RGS9: variants seen among roughly 807,000 people sequenced by gnomAD.
RGS9 encodes regulator of G-protein signalling 9.
In RGS9, 78 loss-of-function variants were observed where a neutral mutation model predicts 102.0. That is an observed-to-expected ratio of 0.76 (90% CI 0.64 to 0.92). The LOEUF (loss-of-function observed/expected upper bound fraction) is 0.92, where lower values mean the gene tolerates loss of function less well. Among genes scored for constraint, RGS9 ranks in the 40% least tolerant of loss-of-function variants. The pLI, the probability that RGS9 is intolerant of heterozygous loss-of-function variation, is 0.00. For synonymous variants in RGS9, 353 were observed against 318.6 expected (o/e 1.11, Z -1.15); for missense variants, 833 against 866.1 (o/e 0.96, Z 0.48).
intron 1 of RGS9, among the ~76,000 whole-genome samples, chr17:65,148,882 A>G (rs1366617709): frequency 1.3e-5 from 2 of 152,138 alleles, no homozygotes; most frequent in African/African-American, 4.8e-5. Flanking sequence ...TTGTGCACAG[A>G]ATGATATGAA....
Position 65,144,234 on chromosome 17 carries a change from A to T in RGS9, c.57+6637A>T, listed in dbSNP as rs184642914. On this transcript the variant is annotated intron_variant, in intron 1 of 18. Coordinates refer to ENST00000262406, the MANE Select transcript of RGS9 (RefSeq NM_003835.4). ...TGGGTCACTTTTCCCATCTTTGTAT[A>T]GAAAAGTACCGATTATTATTGTTCC... 5.9e-5 allele frequency among the ~76,000 whole-genome samples: 9 copies of T among 152,304 alleles called. No individual in the cohort carries two copies. In the East Asian group the frequency reaches 1.5e-3, roughly 26 times the overall value.
intron 7 of RGS9, among the ~76,000 whole-genome samples, chr17:65,163,800 T>A (rs1911075531): frequency 1.3e-5 from 2 of 152,168 alleles, no homozygotes; most frequent in Admixed American, 6.5e-5. Context: ...GTGTGCCCAC[T>A]GCAAGCAGTT....
rs1729287706 is a variant in RGS9 at position 65,227,596 on chromosome 17, C to T, written c.*189C>T. ...GCTGGTTACCAGGGGCCAACTCCTT[C>T]TCCTCTTCCTGACCCTCCCTCCCCT... On this transcript the variant is annotated 3_prime_UTR_variant, in exon 19 of 19. Coordinates refer to ENST00000262406, the MANE Select transcript of RGS9 (RefSeq NM_003835.4). The T allele has an allele frequency of 1.4e-6, 1 of 733,546 alleles. No homozygotes were observed. Among genetic ancestry groups the T allele is most frequent in the Non-Finnish European group, 2.3e-6 (1 of 440,618 alleles). 45.4% of individuals were successfully genotyped at this position (733,546 alleles called of 1,614,324 possible). A position where few individuals can be genotyped will look rare whatever the true frequency, so the allele number is the denominator to read the frequency against.
intron 1 of RGS9, among the ~76,000 whole-genome samples, chr17:65,151,748 A>G (rs1910589941): frequency 6.6e-6 from 1 of 152,196 alleles, no homozygotes; most frequent in Non-Finnish European, 1.5e-5. Flanking sequence ...CCTTGGCATT[A>G]TTCTGTGTCA....
At chr17:65,184,912 C>CA (rs1912051241) in intron 9 of RGS9, among the ~76,000 whole-genome samples, 1 of 151,388 alleles carries the variant, frequency 6.6e-6, no homozygotes, top group South Asian at 2.1e-4. Context: ...TTCTGTCACC[C>CA]AGGCTCCAGT....
chr17:65,168,054 G>A, intron 7 of RGS9, 146 bp from the exon 8 acceptor site: 4 of 665,056 alleles, frequency 6.0e-6, no homozygotes, highest in Non-Finnish European at 1.1e-5. Flanking sequence ...TGAGATGTCA[G>A]TGCTTGCTGT....
chr17:65,150,673 C>T (rs1910543856), intron 1 of RGS9, among the ~76,000 whole-genome samples: 1 of 152,156 alleles, frequency 6.6e-6, no homozygotes, highest in South Asian at 2.1e-4. Context: ...TCCTGCCCAG[C>T]TCTAGGCACT....
intron 10 of RGS9, 40 bp from the exon 11 acceptor site, chr17:65,190,135 G>C: frequency 6.7e-7 from 1 of 1,496,354 alleles, no homozygotes; most frequent in Non-Finnish European, 9.3e-7. Flanking sequence ...TGAAGGGTGG[G>C]AGGGGGTTGA....
At chr17:65,196,855 G>A (rs906732726) in intron 12 of RGS9, among the ~76,000 whole-genome samples, 1 of 152,220 alleles carries the variant, frequency 6.6e-6, no homozygotes, top group Non-Finnish European at 1.5e-5. Context: ...TGTCCTTAAG[G>A]TTAAGTGAGC....
chr17:65,220,959 C>T (rs1203071877), intron 17 of RGS9, among the ~76,000 whole-genome samples: 1 of 152,202 alleles, frequency 6.6e-6, no homozygotes, highest in African/African-American at 2.4e-5. Flanking sequence ...CATGCCACTG[C>T]TTTGCTGCCT....
chr17:65,208,631 G>T (rs576420804), intron 16 of RGS9, among the ~76,000 whole-genome samples: 1 of 152,278 alleles, frequency 6.6e-6, no homozygotes. Context: ...AATCTACAAG[G>T]ATTGAAGATT....
At chr17:65,226,790 T>G (rs1421943888) in intron 18 of RGS9, among the ~76,000 whole-genome samples, 2 of 152,146 alleles carry the variant, frequency 1.3e-5, no homozygotes, top group Non-Finnish European at 2.9e-5. Context: ...TTTTTTTGTA[T>G]TTTTAGTAGA....
At chr17:65,198,801 T>C (rs1912700243) in intron 13 of RGS9, among the ~76,000 whole-genome samples, 2 of 152,264 alleles carry the variant, frequency 1.3e-5, no homozygotes, top group Non-Finnish European at 2.9e-5. Flanking sequence ...TGGACATGCC[T>C]TTAGCCTGGC....
chr17:65,193,359 G>A (rs527328219), intron 11 of RGS9, among the ~76,000 whole-genome samples, 184 bp from the exon 12 acceptor site: 28 of 152,256 alleles, frequency 1.8e-4, no homozygotes, highest in African/African-American at 6.5e-4. Flanking sequence ...AATTGGGACT[G>A]ATTTTGTCAA....
At chr17:65,172,930 C>CTTTT (rs543976250) in intron 8 of RGS9, among the ~76,000 whole-genome samples, 1 of 148,088 alleles carries the variant, frequency 6.8e-6, no homozygotes, top group African/African-American at 2.5e-5. Context: ...TTCTTTCTTT[C>CTTTT]TTTTTTTTTT....
chr17:65,147,393 A>G (rs1910405116), intron 1 of RGS9, among the ~76,000 whole-genome samples: 2 of 151,892 alleles, frequency 1.3e-5, no homozygotes, highest in African/African-American at 4.8e-5. Context: ...GTTTAGCAAT[A>G]AAGATTGAAA....
intron 18 of RGS9, 118 bp from the exon 19 acceptor site, chr17:65,227,157 A>T: frequency 7.1e-7 from 1 of 1,409,958 alleles, no homozygotes; most frequent in Non-Finnish European, 1.0e-6. Context: ...TGCCCCCACC[A>T]CAGTCTTTGG....
rs978730422 is a variant in RGS9, at chr17:65,193,668, A to T, written c.860+12A>T. The T allele has an allele frequency of 5.8e-6, 9 of 1,547,696 alleles. No individual in the cohort carries two copies. Among genetic ancestry groups the T allele is most frequent in the African/African-American group, 4.1e-5 (3 of 73,560 alleles). On this transcript the variant is annotated intron_variant, in intron 12 of 18. Transcript: ENST00000262406. ...TTAAATGCCAAATTGTATGTATTTTATATATTGGTGTTTTTTAAAAAACCG... is the reference window on the plus strand; with the variant it reads ...TTAAATGCCAAATTGTATGTATTTTTTATATTGGTGTTTTTTAAAAAACCG...
chr17:65,222,174 G>T (rs1442860044), intron 17 of RGS9, among the ~76,000 whole-genome samples: 1 of 152,220 alleles, frequency 6.6e-6, no homozygotes, highest in Non-Finnish European at 1.5e-5. Context: ...GCAGCTGGGG[G>T]CCACCTGCAT....
Sources: gnomAD v4.1 joint callset for allele counts (sites outside exome capture counted in the v4.1 genomes callset) on GRCh38, gnomAD v4.1.1 for gene constraint, MANE v1.5 for transcripts, NCBI Gene and HGNC (gene_info 2026-07-23, HGNC 2026-07-21) for gene names.